CAMK2B: variants seen among roughly 807,000 people sequenced by gnomAD.
CAMK2B encodes the protein calcium/calmodulin-dependent protein kinase type II subunit beta.
In CAMK2B, 27 loss-of-function variants were observed where a neutral mutation model predicts 93.7. That is an observed-to-expected ratio of 0.29 (90% CI 0.21 to 0.40). The LOEUF (loss-of-function observed/expected upper bound fraction) is 0.40. CAMK2B is among the 10% of genes least tolerant of loss of function. CAMK2B has a pLI of 1.00. For synonymous variants in CAMK2B, 374 were observed against 358.8 expected (o/e 1.04, Z -0.48); for missense variants, 568 against 895.8 (o/e 0.63, Z 4.67).
chr7:44,226,485 C>A (rs777557408), intron 20 of CAMK2B, 31 bp downstream of exon 20: 1 of 1,379,462 alleles, frequency 7.2e-7, no homozygotes, highest in South Asian at 2.0e-5. Flanking sequence ...TCCGGGCAGC[C>A]GCTGCCACGG....
At chr7:44,240,822 C>T in intron 11 of CAMK2B, 73 bp from the exon 12 acceptor site, 2 of 1,473,930 alleles carry the variant, frequency 1.4e-6, no homozygotes, top group Admixed American at 3.7e-5. Context: ...AGGATAAGAC[C>T]CCTGTCCTCC....
At chr7:44,264,649 C>A (rs1217511307) in intron 2 of CAMK2B, among the ~76,000 whole-genome samples, 2 of 152,164 alleles carry the variant, frequency 1.3e-5, no homozygotes, top group Non-Finnish European at 2.9e-5. Flanking sequence ...CTCCCTCTCC[C>A]ACCTGCACAC....
intron 20 of CAMK2B, among the ~76,000 whole-genome samples, chr7:44,221,266 G>A (rs1049725774): frequency 6.6e-5 from 10 of 152,122 alleles, no homozygotes; most frequent in Non-Finnish European, 1.0e-4. Flanking sequence ...CTGCCCTCCC[G>A]TGAGCCAGCC....
Position 44,220,129 on chromosome 7 carries a change from C to T in CAMK2B, c.1934G>A (p.Arg645His), listed in dbSNP as rs766495678. 13 of 1,611,760 alleles carry T rather than the reference C, an allele frequency of 8.1e-6. No homozygotes were observed. The highest frequency in any genetic ancestry group is 2.2e-5 in the East Asian group (1 of 44,872). The stretch of plus-strand genomic sequence containing the variant: ...CACGTTCTGCCACTTGCCGTCGCGG[C>T]GGTGCCACACGCGGGTCTCCTCAGA... ...SQSEETRVWH[R>H]RDGKWQNVHF... Residue 645 changes from arginine (R) to histidine (H), a missense_variant, in exon 23 of 24, where the codon CGC (arginine) becomes CAC (histidine). Arg to His is a conservative substitution (Grantham distance 29, BLOSUM62 0). Coordinates refer to ENST00000395749, the MANE Select transcript of CAMK2B (RefSeq NM_001220.5).
At position 44,220,596 on chromosome 7, in the gene CAMK2B, A is replaced by C. The variant is rs1231148550; in HGVS notation, c.1768+20T>G. ...CTGGGGGCACCGCCCCCTCATGCCC[A>C]CCCGGGCTTCCTCACTCACGGTTCT... is the stretch of plus-strand genomic sequence containing the variant. On this transcript the variant is annotated intron_variant, in intron 22 of 23. Transcript: ENST00000395749. The C allele has an allele frequency of 6.2e-7, 1 of 1,600,732 alleles. No individual in the cohort carries two copies. Among genetic ancestry groups the C allele is most frequent in the African/African-American group, 1.3e-5 (1 of 74,628 alleles).
At chr7:44,278,721 A>AC (rs1156610028) in intron 2 of CAMK2B, among the ~76,000 whole-genome samples, 1 of 152,172 alleles carries the variant, frequency 6.6e-6, no homozygotes, top group East Asian at 1.9e-4. Context: ...GTCACCGCCC[A>AC]CCCCAAGAGG....
intron 1 of CAMK2B, among the ~76,000 whole-genome samples, chr7:44,314,901 T>C (rs1794475107): frequency 6.6e-6 from 1 of 152,222 alleles, no homozygotes; most frequent in African/African-American, 2.4e-5. Flanking sequence ...GTCTAAGTCC[T>C]TTGCCCATTT....
chr7:44,258,438 C>G (rs1196301180), intron 4 of CAMK2B, among the ~76,000 whole-genome samples: 1 of 152,240 alleles, frequency 6.6e-6, no homozygotes, highest in Non-Finnish European at 1.5e-5. Flanking sequence ...CATACAGGTG[C>G]ACGTGCTCAC....
chr7:44,231,129 G>T, intron 16 of CAMK2B, 75 bp from the exon 17 acceptor site: 1 of 1,214,470 alleles, frequency 8.2e-7, no homozygotes, highest in Non-Finnish European at 1.2e-6. Flanking sequence ...CAGGTGGACA[G>T]GGCTGGGCCT....
rs988114902 is a variant in CAMK2B, at chr7:44,281,177, C to T, written c.160+2954G>A. 7.9e-5 allele frequency among the ~76,000 whole-genome samples: 12 copies of T among 152,234 alleles called. No individual in the cohort carries two copies. The East Asian group carries it at 9.6e-4, about 12-fold the overall frequency. ...ATGACTGCTGTCATCGCAGGGTGGC[C>T]GTGGGACCTGAGCTGGGCCTGGCAT... On this transcript the variant is annotated intron_variant, in intron 2 of 23. Coordinates refer to ENST00000395749, the MANE Select transcript of CAMK2B (RefSeq NM_001220.5).
intron 1 of CAMK2B, among the ~76,000 whole-genome samples, chr7:44,310,831 T>C (rs536465494): frequency 6.6e-6 from 1 of 152,242 alleles, no homozygotes; most frequent in East Asian, 1.9e-4. Context: ...CAGTTTCACT[T>C]AGGGAAGACA....
rs75190452 is a variant in CAMK2B at position 44,286,086 on chromosome 7, A to G, written c.66-1861T>C. On this transcript the variant is annotated intron_variant, in intron 1 of 23. Coordinates refer to ENST00000395749, the MANE Select transcript of CAMK2B (RefSeq NM_001220.5). The surrounding 1 kb of genome is among the most constrained non-coding windows in gnomAD (Gnocchi z 4.0). ...GGGCTTTTTGCCTGGTCTGGCTTCA[A>G]TCCTGGTTAGACGGGGTGACACAGC... Among the ~76,000 whole-genome samples, 258 of 152,238 alleles carry G rather than the reference A, an allele frequency of 1.7e-3. 1 individual carries two copies. In the East Asian group the frequency reaches 0.02, roughly 12 times the overall value.
chr7:44,240,597 C>A, intron 12 of CAMK2B, 110 bp downstream of exon 12: 2 of 1,266,540 alleles, frequency 1.6e-6, no homozygotes, highest in Admixed American at 3.9e-5. Context: ...ACGCCGAGGG[C>A]AGGCCTGCCG....
rs917362400 is a variant in CAMK2B, at chr7:44,217,406, C to G, written c.*2119G>C. The stretch of plus-strand genomic sequence containing the variant: ...AGGGGTCATGCAAAAGAATTATCCC[C>G]CAGAAAAAAAATCCCCAAATTATCC... On this transcript the variant is annotated 3_prime_UTR_variant, in exon 24 of 24. Coordinates refer to ENST00000395749, the MANE Select transcript of CAMK2B (RefSeq NM_001220.5). The G allele has an allele frequency of 2.0e-5, 3 of 152,024 alleles. No homozygotes were observed. The highest frequency in any genetic ancestry group is 7.3e-5 in the African/African-American group (3 of 41,324). The allele number at this position is 152,024 out of a possible 1,614,324, so 9.4% of individuals were successfully genotyped here.
At position 44,234,392 on chromosome 7, in the gene CAMK2B, G is replaced by C; in HGVS notation, c.1129C>G (p.Leu377Val). The change falls in exon 15 of 24, where the codon CTG (leucine) becomes GTG (valine). Residue 377 changes from leucine (L) to valine (V), a missense_variant and splice_region_variant. By Grantham distance (32) the Leu-to-Val change is conservative. This residue lies in a region of CAMK2B where 308 missense variants were observed against 292.1 expected (regional missense o/e 1.05). Transcript: ENST00000395749. ...GCAGAATTTGAGGAGCTCAGTACCA[G>C]GGCGGCAGGAGGAAGCGTCCCTTTG... ...SPKGTLPPAA[L>V]EPQTTVIHNP... 6.6e-7 allele frequency: 1 copy of C among 1,522,724 alleles called. No individual in the cohort carries two copies. The highest frequency in any genetic ancestry group is 1.3e-5 in the South Asian group (1 of 75,844). The allele number at this position is 1,522,724 out of a possible 1,614,324, so 94.3% of individuals were successfully genotyped here.
intron 1 of CAMK2B, among the ~76,000 whole-genome samples, chr7:44,297,725 C>A (rs963804276): frequency 2.6e-5 from 4 of 151,928 alleles, no homozygotes; most frequent in African/African-American, 7.3e-5. Context: ...GAAAAAAAAA[C>A]CATCTTAAAA....
At chr7:44,319,777 C>T (rs1435001838) in intron 1 of CAMK2B, among the ~76,000 whole-genome samples, 3 of 152,166 alleles carry the variant, frequency 2.0e-5, no homozygotes, top group South Asian at 2.1e-4. Flanking sequence ...GTGGCCAACG[C>T]GTATGCACAC....
At chr7:44,318,273 T>G (rs949400290) in intron 1 of CAMK2B, among the ~76,000 whole-genome samples, 1 of 152,268 alleles carries the variant, frequency 6.6e-6, no homozygotes. Context: ...ACAGCCCTGC[T>G]ACTGCATTTC....
At chr7:44,257,443 C>A (rs1169517454) in intron 4 of CAMK2B, among the ~76,000 whole-genome samples, 1 of 152,220 alleles carries the variant, frequency 6.6e-6, no homozygotes, top group African/African-American at 2.4e-5. Context: ...ACGAACACAC[C>A]ACCCTTTCTC....
Sources: allele counts gnomAD v4.1 joint callset (sites outside exome capture counted in the v4.1 genomes callset), GRCh38; gene constraint gnomAD v4.1.1; regional missense constraint gnomAD v4.1.1; non-coding constraint Gnocchi (gnomAD v3.1); transcripts MANE v1.5; gene names NCBI Gene and HGNC (gene_info 2026-07-23, HGNC 2026-07-21).